SLC35F4: variants seen among roughly 807,000 people sequenced by gnomAD.
The protein encoded by SLC35F4 is chromosome 14 open reading frame 36.
A neutral mutation model predicts 44.2 loss-of-function variants in SLC35F4; 24 were observed. The observed-to-expected ratio is 0.54, with a 90% CI of 0.39 to 0.76. SLC35F4 has a LOEUF of 0.76. Among genes scored for constraint, SLC35F4 ranks in the 30% least tolerant of loss-of-function variants. The pLI, the probability that SLC35F4 is intolerant of heterozygous loss-of-function variation, is 0.00. For synonymous variants in SLC35F4, 238 were observed against 223.6 expected (o/e 1.06, Z -0.57); for missense variants, 562 against 586.1 (o/e 0.96, Z 0.42).
At chr14:57,964,991 A>AATATATATATATATATATATATATATAT (rs1212108605) in intron 1 of SLC35F4, among the ~76,000 whole-genome samples, 8 of 115,672 alleles carry the variant, frequency 6.9e-5, no homozygotes, top group African/African-American at 2.9e-4. Context: ...AAAAAAAAAA[A>AATATATATATATATATATATATATATAT]ATATATATAT....
At chr14:57,859,134 AAG>A (rs1026002162) in intron 1 of SLC35F4, among the ~76,000 whole-genome samples, 9 of 151,148 alleles carry the variant, frequency 6.0e-5, no homozygotes, top group Admixed American at 3.3e-4. Context: ...TAGGGGGAGG[AAG>A]AGAGAGAGAG....
chr14:57,682,157 AG>A (rs1415181374), intron 1 of SLC35F4, among the ~76,000 whole-genome samples: 5 of 152,246 alleles, frequency 3.3e-5, no homozygotes, highest in Non-Finnish European at 7.3e-5. Context: ...ATATACCCAA[AG>A]GAGTATAAAT....
intron 1 of SLC35F4, among the ~76,000 whole-genome samples, chr14:57,837,105 T>C (rs1311413270): frequency 6.6e-6 from 1 of 152,178 alleles, no homozygotes; most frequent in Non-Finnish European, 1.5e-5. Flanking sequence ...CACTTATACA[T>C]CCTCATTGTC....
chr14:57,836,594 A>G (rs1362925103), intron 1 of SLC35F4, among the ~76,000 whole-genome samples: 5 of 152,142 alleles, frequency 3.3e-5, no homozygotes, highest in African/African-American at 4.8e-5. Flanking sequence ...CCGGCCTGAA[A>G]TTTTATTTTA....
In SLC35F4 at chr14:57,776,233, T is replaced by G. The variant is rs943281184; in HGVS notation, c.103+89490A>C. 2.3e-4 allele frequency among the ~76,000 whole-genome samples: 35 copies of G among 152,094 alleles called. 1 individual carries two copies. The highest frequency in any genetic ancestry group is 2.0e-3 in the Admixed American group (30 of 15,272). On this transcript the variant is annotated intron_variant, in intron 1 of 7. Transcript: ENST00000556826. ...AACTTGGAAAATTTATTTCAAGATATCATCCATGAAAACTTCTCCAACCTA... is the reference window on the plus strand; with the variant it reads ...AACTTGGAAAATTTATTTCAAGATAGCATCCATGAAAACTTCTCCAACCTA...
At chr14:57,757,961 C>A (rs1465871156) in intron 1 of SLC35F4, among the ~76,000 whole-genome samples, 1 of 149,068 alleles carries the variant, frequency 6.7e-6, no homozygotes, top group East Asian at 2.0e-4. Context: ...ATTTCTCCTT[C>A]ATTTAGAAAT....
chr14:57,627,008 C>T (rs1594630971), intron 1 of SLC35F4, among the ~76,000 whole-genome samples: 1 of 152,230 alleles, frequency 6.6e-6, no homozygotes, highest in Middle Eastern at 3.4e-3. Flanking sequence ...CCCTCAAATG[C>T]TCCTACTTCT....
intron 1 of SLC35F4, among the ~76,000 whole-genome samples, chr14:57,937,511 T>C (rs1438380931): frequency 7.3e-6 from 1 of 137,758 alleles, no homozygotes. Context: ...ATAATAGAAA[T>C]ATAGGAGGCA....
chr14:57,821,343 C>A (rs1185683700), intron 1 of SLC35F4, among the ~76,000 whole-genome samples: 2 of 152,176 alleles, frequency 1.3e-5, no homozygotes, highest in Non-Finnish European at 2.9e-5. Context: ...GCTCTTTTGG[C>A]AAATAATGAT....
chr14:57,875,904 A>T (rs534825883), intron 1 of SLC35F4, among the ~76,000 whole-genome samples: 8 of 152,312 alleles, frequency 5.3e-5, no homozygotes, highest in African/African-American at 1.9e-4. Flanking sequence ...AGACTTGATG[A>T]GAATGTCCTT....
At chr14:57,782,326 A>C (rs1341467391) in intron 1 of SLC35F4, among the ~76,000 whole-genome samples, 1 of 151,964 alleles carries the variant, frequency 6.6e-6, no homozygotes, top group Non-Finnish European at 1.5e-5. Context: ...AAATTTTTGA[A>C]CATTTGCAAC....
At chr14:57,649,016 G>A (rs1309934926) in intron 1 of SLC35F4, among the ~76,000 whole-genome samples, 4 of 152,008 alleles carry the variant, frequency 2.6e-5, no homozygotes, top group Admixed American at 2.0e-4. Context: ...TCACTTCTTT[G>A]TCTGCCTACC....
chr14:57,692,059 A>G (rs953649353), intron 1 of SLC35F4, among the ~76,000 whole-genome samples: 1 of 152,228 alleles, frequency 6.6e-6, no homozygotes, highest in Non-Finnish European at 1.5e-5. Context: ...CTAGATTGTG[A>G]TGAGATCATG....
At chr14:57,808,507 T>C (rs555648600) in intron 1 of SLC35F4, among the ~76,000 whole-genome samples, 1 of 152,120 alleles carries the variant, frequency 6.6e-6, no homozygotes, top group South Asian at 2.1e-4. Context: ...TAATGATTAT[T>C]TGATAACAAA....
Position 57,942,835 on chromosome 14 carries a change from A to G in SLC35F4, n.282+39078T>C, listed in dbSNP as rs12588392. ...TTTGTCATTTACCAAGCAATTTCAT[A>G]TATCTTTTCTAATCTGACCTTTCCA... On this transcript the variant is annotated intron_variant and non_coding_transcript_variant, in intron 1 of 1. Coordinates refer to the SLC35F4 transcript ENST00000556568. Among the ~76,000 whole-genome samples the G allele has an allele frequency of 1.3e-3, 203 of 152,310 alleles. 1 individual carries two copies. In the East Asian group the frequency reaches 0.032, roughly 24 times the overall value.
At chr14:57,892,353 T>TCCTAAATATC (rs1174895025) in intron 1 of SLC35F4, among the ~76,000 whole-genome samples, 1 of 152,188 alleles carries the variant, frequency 6.6e-6, no homozygotes, top group African/African-American at 2.4e-5. Context: ...AGAAAGAGCC[T>TCCTAAATATC]CCTAAATATC....
At chr14:57,607,615 G>A (rs951265652) in intron 1 of SLC35F4, among the ~76,000 whole-genome samples, 3 of 152,088 alleles carry the variant, frequency 2.0e-5, no homozygotes, top group African/African-American at 4.8e-5. Context: ...CACCAATCTC[G>A]GCCAATGCCC....
At chr14:57,950,801 TG>T (rs1170228609) in intron 1 of SLC35F4, among the ~76,000 whole-genome samples, 1 of 151,798 alleles carries the variant, frequency 6.6e-6, no homozygotes, top group Non-Finnish European at 1.5e-5. Context: ...CCTGAATAGC[TG>T]GGACTACAGG....
chr14:57,971,462 G>A (rs181330741), intron 1 of SLC35F4, among the ~76,000 whole-genome samples: 13 of 152,204 alleles, frequency 8.5e-5, no homozygotes, highest in Non-Finnish European at 1.6e-4. Flanking sequence ...TCCCCCTATC[G>A]CCAGAAGCAT....
Sources: allele counts gnomAD v4.1 joint callset (sites outside exome capture counted in the v4.1 genomes callset), GRCh38; gene constraint gnomAD v4.1.1; transcripts MANE v1.5; gene names NCBI Gene and HGNC (gene_info 2026-07-23, HGNC 2026-07-21).